MMP16: variants seen among roughly 807,000 people sequenced by gnomAD.
MMP16 encodes the protein matrix metalloproteinase-16.
Under a neutral mutation model 67.8 loss-of-function variants are expected in MMP16, and 12 were observed. That is an observed-to-expected ratio of 0.18 (90% CI 0.11 to 0.29). The LOEUF is 0.29. MMP16 is among the 10% of genes least tolerant of loss of function. The probability of loss-of-function intolerance (pLI) is 1.00; values close to 1 mark genes in which losing one functional copy is unlikely to be tolerated. For synonymous variants in MMP16, 249 were observed against 255.9 expected (o/e 0.97, Z 0.26); for missense variants, 475 against 765.7 (o/e 0.62, Z 4.48).
chr8:88,151,028 C>A (rs1163546387), intron 4 of MMP16, among the ~76,000 whole-genome samples: 2 of 138,630 alleles, frequency 1.4e-5, no homozygotes, highest in African/African-American at 2.7e-5. Context: ...ATCTACCAAG[C>A]AAATGGAAAA....
intron 4 of MMP16, among the ~76,000 whole-genome samples, chr8:88,158,387 C>A (rs897789786): frequency 1.3e-5 from 2 of 151,084 alleles, no homozygotes; most frequent in African/African-American, 4.8e-5. Flanking sequence ...GATGGTATCT[C>A]GTGGTTTTGA....
chr8:88,230,736 A>G (rs1244321560), intron 1 of MMP16, among the ~76,000 whole-genome samples: 1 of 152,154 alleles, frequency 6.6e-6, no homozygotes, highest in East Asian at 1.9e-4. Flanking sequence ...CTTCTAAGAA[A>G]TGTGATCATA....
At chr8:88,227,685 T>C (rs1417591562) in intron 1 of MMP16, among the ~76,000 whole-genome samples, 3 of 152,032 alleles carry the variant, frequency 2.0e-5, no homozygotes, top group Non-Finnish European at 4.4e-5. Context: ...TTCTAATGTA[T>C]AAAGACTGCT....
rs144458729 is a variant in MMP16 at position 88,068,237 on chromosome 8, C to G, written c.1222+6368G>C. Among the ~76,000 whole-genome samples the G allele has an allele frequency of 1.2e-3, 179 of 152,084 alleles. 1 individual carries two copies. The highest frequency in any genetic ancestry group is 3.9e-3 in the African/African-American group (164 of 41,534). On this transcript the variant is annotated intron_variant, in intron 7 of 9. Transcript: ENST00000286614. Reference sequence around the variant, plus strand: ...CTTGGTAAAGCTTTTGTTCAATACTCTGTTCATTTTTATTGAGTTGTTTGT... The same window carrying G: ...CTTGGTAAAGCTTTTGTTCAATACTGTGTTCATTTTTATTGAGTTGTTTGT...
chr8:88,303,289 C>T lies in MMP16; in HGVS notation c.132+23786G>A, dbSNP rs896412436. ...CTGGCTTGGAATTCTCTCAAGCCAG[C>T]GATGACAGGTTGGGGTCTGCCTGAG... On this transcript the variant is annotated intron_variant, in intron 1 of 9. Coordinates refer to ENST00000286614, the MANE Select transcript of MMP16 (RefSeq NM_005941.5). 6.6e-5 allele frequency among the ~76,000 whole-genome samples: 10 copies of T among 152,164 alleles called. No homozygotes were observed. The East Asian group carries it at 1.2e-3, about 18-fold the overall frequency.
chr8:88,250,884 A>G lies in MMP16; in HGVS notation c.133-53578T>C, dbSNP rs565606107. Reference sequence around the variant, plus strand: ...GCTGGTGTGCTGCACCCACTAACTCATCATCTAGCATTAGTTATATCTCCC... The same window carrying G: ...GCTGGTGTGCTGCACCCACTAACTCGTCATCTAGCATTAGTTATATCTCCC... On this transcript the variant is annotated intron_variant, in intron 1 of 9. Coordinates refer to ENST00000286614, the MANE Select transcript of MMP16 (RefSeq NM_005941.5). Among the ~76,000 whole-genome samples, 5 of 150,554 alleles carry G rather than the reference A, an allele frequency of 3.3e-5. No individual in the cohort carries two copies. The South Asian group carries it at 1.1e-3, about 32-fold the overall frequency.
chr8:88,271,919 G>A (rs974077492), intron 1 of MMP16, among the ~76,000 whole-genome samples: 3 of 152,190 alleles, frequency 2.0e-5, no homozygotes, highest in Non-Finnish European at 4.4e-5. Context: ...GGGCGTTGGA[G>A]CTAGAGAAGG....
chr8:88,316,321 T>C lies in MMP16; in HGVS notation c.132+10754A>G, dbSNP rs193151846. 5.4e-3 allele frequency among the ~76,000 whole-genome samples: 827 copies of C among 152,256 alleles called. 9 individuals carry two copies. Among genetic ancestry groups the C allele is most frequent in the African/African-American group, 0.019 (783 of 41,556 alleles). On this transcript the variant is annotated intron_variant, in intron 1 of 9. Transcript: ENST00000286614. ...AAGAAGAGGCCATCTAGGACTTTCATAGCTAGAGAGGAAAAGTCAGTGCCT... is the reference window on the plus strand; with the variant it reads ...AAGAAGAGGCCATCTAGGACTTTCACAGCTAGAGAGGAAAAGTCAGTGCCT...
intron 1 of MMP16, among the ~76,000 whole-genome samples, chr8:88,262,483 T>A (rs1458508794): frequency 1.3e-5 from 2 of 152,152 alleles, no homozygotes; most frequent in African/African-American, 4.8e-5. Context: ...TATGCACCCA[T>A]TAGGCAGCAA....
intron 1 of MMP16, among the ~76,000 whole-genome samples, chr8:88,240,728 T>C (rs1199963681): frequency 1.3e-5 from 2 of 152,152 alleles, no homozygotes; most frequent in Non-Finnish European, 2.9e-5. Context: ...TCTGAGCTTA[T>C]TGGCATAAAG....
chr8:88,203,867 G>T (rs1205443420), intron 1 of MMP16, among the ~76,000 whole-genome samples: 1 of 152,186 alleles, frequency 6.6e-6, no homozygotes, highest in Non-Finnish European at 1.5e-5. Flanking sequence ...GCTGCAAATA[G>T]TGTGCTATTC....
chr8:88,163,376 T>C lies in MMP16; in HGVS notation c.709+4293A>G, dbSNP rs117123612. On this transcript the variant is annotated intron_variant, in intron 4 of 9. Coordinates refer to ENST00000286614, the MANE Select transcript of MMP16 (RefSeq NM_005941.5). The stretch of plus-strand genomic sequence containing the variant: ...CAGATGACATCTTTATCATAATTTG[T>C]CTCTTTTTGTTTTTTTGACAGCCTG... Among the ~76,000 whole-genome samples the C allele has an allele frequency of 7.8e-3, 1,192 of 152,176 alleles. 17 individuals carry two copies. Among genetic ancestry groups the C allele is most frequent in the Middle Eastern group, 0.075 (22 of 294 alleles).
intron 1 of MMP16, among the ~76,000 whole-genome samples, chr8:88,302,733 C>T (rs1811124732): frequency 1.3e-5 from 2 of 151,994 alleles, no homozygotes; most frequent in Admixed American, 6.6e-5. Flanking sequence ...CCAAGATGGC[C>T]GATTAAAAGC....
intron 1 of MMP16, among the ~76,000 whole-genome samples, chr8:88,298,998 C>T (rs1489520588): frequency 5.9e-5 from 9 of 151,736 alleles, no homozygotes; most frequent in African/African-American, 1.7e-4. Flanking sequence ...TTGTAAAAAT[C>T]CATTTTTTTT....
At chr8:88,256,240 T>C (rs566750976) in intron 1 of MMP16, among the ~76,000 whole-genome samples, 1 of 152,252 alleles carries the variant, frequency 6.6e-6, no homozygotes, top group South Asian at 2.1e-4. Context: ...ACAGGAGTAA[T>C]AGATTAGGTT....
At chr8:88,262,562 G>A (rs1810403727) in intron 1 of MMP16, among the ~76,000 whole-genome samples, 1 of 152,120 alleles carries the variant, frequency 6.6e-6, no homozygotes, top group Admixed American at 6.6e-5. Context: ...AGCTTTGCTG[G>A]CTTTTGTCAA....
At chr8:88,325,076 T>C (rs1334119282) in intron 1 of MMP16, among the ~76,000 whole-genome samples, 2 of 152,160 alleles carry the variant, frequency 1.3e-5, no homozygotes, top group Non-Finnish European at 2.9e-5. Context: ...GTAATAAATA[T>C]GACTAGAATA....
intron 3 of MMP16, among the ~76,000 whole-genome samples, chr8:88,178,774 G>A (rs1586191260): frequency 6.6e-6 from 1 of 152,176 alleles, no homozygotes; most frequent in Middle Eastern, 3.4e-3. Context: ...ATAACCGCAT[G>A]TAAATTATTA....
Position 88,041,747 on chromosome 8 carries a change from T to C in MMP16, c.1538A>G (p.Gln513Arg), listed in dbSNP as rs1244860626. 1 of 1,613,664 alleles carries C rather than the reference T, an allele frequency of 6.2e-7. No homozygotes were observed. Among genetic ancestry groups the C allele is most frequent in the South Asian group, 1.1e-5 (1 of 91,076 alleles). Reference sequence around the variant, plus strand: ...ATATCCAGGTTCTACCTTGAGTATCTGGTTGTTGAATTTCCAATACTCCTT... The same window carrying C: ...ATATCCAGGTTCTACCTTGAGTATCCGGTTGTTGAATTTCCAATACTCCTT... ...KGKEYWKFNN[Q>R]ILKVEPGYPR... The change falls in exon 10 of 10, where the codon CAG becomes CGG. Residue 513 changes from glutamine (Q) to arginine (R), a missense_variant. Around this residue, in one of 5 missense-constraint regions of MMP16, gnomAD observed 23 missense variants for 79.1 expected, o/e 0.29. Coordinates refer to ENST00000286614, the MANE Select transcript of MMP16 (RefSeq NM_005941.5). This position sits in a 1 kb window ranked among gnomAD's most constrained non-coding sequence, Gnocchi z 6.0.
Sources: allele counts gnomAD v4.1 joint callset (sites outside exome capture counted in the v4.1 genomes callset), GRCh38; gene constraint gnomAD v4.1.1; regional missense constraint gnomAD v4.1.1; non-coding constraint Gnocchi (gnomAD v3.1); transcripts MANE v1.5; gene names NCBI Gene and HGNC (gene_info 2026-07-23, HGNC 2026-07-21).